WDR48: variants seen among roughly 807,000 people sequenced by gnomAD.
The protein encoded by WDR48 is WD repeat-containing protein 48.
Under a neutral mutation model 94.0 loss-of-function variants are expected in WDR48, and 22 were observed. The ratio of observed to expected loss-of-function variants is 0.23; its 90% CI spans 0.17 to 0.33. WDR48 has a LOEUF of 0.33. Ranked by LOEUF, WDR48 falls within the 10% of genes least tolerant of loss-of-function variation. The pLI is 1.00. For synonymous variants in WDR48, 278 were observed against 280.5 expected (o/e 0.99, Z 0.09); for missense variants, 541 against 813.8 (o/e 0.66, Z 4.08).
Position 39,052,052 on chromosome 3 carries a change from A to C in WDR48, c.27A>C (p.Thr9=). MAAHHRQN[T]AGRRKVQVSY... ...TGGCGGCCCATCACCGGCAGAACAC[A>C]GCAGGGCGGAGGAAAGTGCAGGTAT... The change falls in exon 1 of 19, where the codon ACA becomes ACC. Residue 9 remains threonine, a synonymous_variant. Coordinates refer to ENST00000302313, the MANE Select transcript of WDR48 (RefSeq NM_020839.4). 1 of 1,613,950 alleles carries C rather than the reference A, an allele frequency of 6.2e-7. No individual in the cohort carries two copies. Among genetic ancestry groups the C allele is most frequent in the Non-Finnish European group, 8.5e-7 (1 of 1,179,984 alleles).
At chr3:39,082,407 G>GA (rs2034585883) in intron 11 of WDR48, among the ~76,000 whole-genome samples, 1 of 151,756 alleles carries the variant, frequency 6.6e-6, no homozygotes, top group Non-Finnish European at 1.5e-5. Context: ...TCAGCCTCCC[G>GA]AGTAGCTGGG....
rs2033624706 is a variant in WDR48 at position 39,066,631 on chromosome 3, G to A, written c.351+1G>A. 6.2e-7 allele frequency: 1 copy of A among 1,613,660 alleles called. No individual in the cohort carries two copies. The highest frequency in any genetic ancestry group is 8.5e-7 in the Non-Finnish European group (1 of 1,179,854). On this transcript the variant is annotated splice_donor_variant, in intron 4 of 18. Coordinates refer to ENST00000302313, the MANE Select transcript of WDR48 (RefSeq NM_020839.4). LOFTEE classifies it high-confidence loss of function. Reference sequence around the variant, plus strand: ...CATGTCAACATTAAGGACACATAAGGTAAAACAATACAGTTCTCAGTGTCT... The same window carrying A: ...CATGTCAACATTAAGGACACATAAGATAAAACAATACAGTTCTCAGTGTCT...
chr3:39,084,946 G>A (rs1038901020), intron 13 of WDR48, among the ~76,000 whole-genome samples: 1 of 152,034 alleles, frequency 6.6e-6, no homozygotes, highest in East Asian at 1.9e-4. Context: ...TCTGATTCTC[G>A]GCCAGGCGCA....
chr3:39,076,725 A>T (rs1388999446), intron 8 of WDR48, among the ~76,000 whole-genome samples: 1 of 152,204 alleles, frequency 6.6e-6, no homozygotes, highest in Non-Finnish European at 1.5e-5. Context: ...GGTTATTTTC[A>T]CTTTTACTAT....
rs1245577055 is a variant in WDR48, at chr3:39,096,020, C to G, written c.*1277C>G. 1 of 152,660 alleles carries G rather than the reference C, an allele frequency of 6.6e-6. No homozygotes were observed. The highest frequency in any genetic ancestry group is 1.5e-5 in the Non-Finnish European group (1 of 68,048). 9.5% of individuals were successfully genotyped at this position (152,660 alleles called of 1,614,324 possible). The stretch of plus-strand genomic sequence containing the variant: ...TCCCTAGCTTGTGTGTGGCCTGCCT[C>G]CACCATAGCAGGGACTAGGGAGGGA... On this transcript the variant is annotated 3_prime_UTR_variant, in exon 19 of 19. Transcript: ENST00000302313.
intron 13 of WDR48, 127 bp from the exon 14 acceptor site, chr3:39,085,385 ACAT>A: frequency 1.3e-6 from 1 of 742,624 alleles, no homozygotes; most frequent in African/African-American, 1.8e-5. Context: ...TTTATTTTAG[ACAT>A]CATTCGCATT....
intron 10 of WDR48, among the ~76,000 whole-genome samples, chr3:39,078,475 G>A (rs1456373083): frequency 1.3e-5 from 2 of 151,980 alleles, no homozygotes; most frequent in Non-Finnish European, 2.9e-5. Context: ...CTGGACTGCA[G>A]TGACGGGATC....
At chr3:39,064,739 A>G (rs1269233456) in intron 2 of WDR48, among the ~76,000 whole-genome samples, 1 of 152,218 alleles carries the variant, frequency 6.6e-6, no homozygotes, top group East Asian at 1.9e-4. Context: ...TCTGATATTC[A>G]GTTCAGAAAA....
chr3:39,091,599 T>C (rs762666209), intron 16 of WDR48, 26 bp from the exon 17 acceptor site: 38 of 1,553,830 alleles, frequency 2.4e-5, no homozygotes, highest in South Asian at 4.7e-5. Context: ...GAAACTGTTA[T>C]ACCTTTTTAA....
At chr3:39,055,919 T>A (rs1195785483) in intron 1 of WDR48, among the ~76,000 whole-genome samples, 1 of 152,248 alleles carries the variant, frequency 6.6e-6, no homozygotes, top group African/African-American at 2.4e-5. Context: ...AGAGGACTTT[T>A]GTGCTCACTA....
At chr3:39,052,155 G>A in intron 1 of WDR48, 82 bp downstream of exon 1, 1 of 1,561,102 alleles carries the variant, frequency 6.4e-7, no homozygotes, top group Non-Finnish European at 8.8e-7. Context: ...CCGGCGCCAC[G>A]ACCAGCTGGG....
intron 1 of WDR48, among the ~76,000 whole-genome samples, chr3:39,060,940 C>T (rs949454551): frequency 1.3e-5 from 2 of 152,150 alleles, no homozygotes; most frequent in African/African-American, 4.8e-5. Context: ...GCTTTCCAGC[C>T]TGGGTGACAG....
Position 39,080,303 on chromosome 3 carries a change from G to T in WDR48, c.1173+495G>T, listed in dbSNP as rs1351471123. The stretch of plus-strand genomic sequence containing the variant: ...AAATCACCCTAGATGAGACACACTG[G>T]AGTGCACACAATAAGGTTGGCTGTT... On this transcript the variant is annotated intron_variant, in intron 11 of 18. Coordinates refer to ENST00000302313, the MANE Select transcript of WDR48 (RefSeq NM_020839.4). 4.1e-4 allele frequency among the ~76,000 whole-genome samples: 62 copies of T among 152,194 alleles called. 1 individual carries two copies. The highest frequency in any genetic ancestry group is 4.1e-3 in the Admixed American group (62 of 15,284).
Position 39,069,702 on chromosome 3 carries a change from G to A in WDR48, c.630G>A (p.Thr210=), listed in dbSNP as rs1166202339. 7 of 1,613,538 alleles carry A rather than the reference G, an allele frequency of 4.3e-6. No individual in the cohort carries two copies. The highest frequency in any genetic ancestry group is 2.2e-5 in the East Asian group (1 of 44,868). Residue 210 remains threonine (T), a synonymous_variant, in exon 7 of 19, where the codon ACG becomes ACA. Transcript: ENST00000302313. ...CAKLMKLKGH[T]DNVKALLLNR... ...AACTAATGAAGCTTAAAGGGCACAC[G>A]GATAATGTGAAGGCATTGCTATTAA...
chr3:39,061,683 C>T (rs2125639881), intron 1 of WDR48, among the ~76,000 whole-genome samples: 1 of 152,282 alleles, frequency 6.6e-6, no homozygotes, highest in South Asian at 2.1e-4. Context: ...ACACTGTCTT[C>T]CACAGTGGTT....
In WDR48 at chr3:39,088,139, C is replaced by G. The variant is rs1461779045; in HGVS notation, c.1486C>G (p.Gln496Glu). 3 of 1,614,050 alleles carry G rather than the reference C, an allele frequency of 1.9e-6. No homozygotes were observed. Among genetic ancestry groups the G allele is most frequent in the Non-Finnish European group, 1.7e-6 (2 of 1,179,998 alleles). The change falls in exon 15 of 19, where the codon CAG becomes GAG. Residue 496 changes from glutamine to glutamate, a missense_variant. Gln to Glu is a conservative substitution (Grantham distance 29). Transcript: ENST00000302313. ...GCATCTTTTCCTAGTAAATGGGGAG[C>G]AGGAGAACCGAGTGCAGAAGGGAAA... ...ENEVNHVNGE[Q>E]ENRVQKGNGY...
intron 8 of WDR48, 95 bp from the exon 9 acceptor site, chr3:39,077,044 T>C (rs2034262578): frequency 1.5e-6 from 2 of 1,377,784 alleles, no homozygotes; most frequent in Non-Finnish European, 2.0e-6. Flanking sequence ...ACCACAATTG[T>C]TGAATGAAGG....
chr3:39,070,547 T>C (rs1446239686), intron 7 of WDR48, among the ~76,000 whole-genome samples: 1 of 152,186 alleles, frequency 6.6e-6, no homozygotes, highest in Non-Finnish European at 1.5e-5. Context: ...GAAATTGCTT[T>C]AGACATCAAT....
intron 1 of WDR48, among the ~76,000 whole-genome samples, chr3:39,061,607 A>G (rs1250846645): frequency 6.6e-6 from 1 of 152,148 alleles, no homozygotes; most frequent in Non-Finnish European, 1.5e-5. Context: ...TCCTTTGGGT[A>G]TATACTCAGT....
Sources: gnomAD v4.1 joint callset for allele counts (sites outside exome capture counted in the v4.1 genomes callset) on GRCh38, gnomAD v4.1.1 for gene constraint, MANE v1.5 for transcripts, NCBI Gene and HGNC (gene_info 2026-07-23, HGNC 2026-07-21) for gene names.